The following DPP10 variants were observed in gnomAD, a reference collection of about 807,000 sequenced individuals.
The protein encoded by DPP10 is dipeptidyl peptidase like 10.
A neutral mutation model predicts 120.9 loss-of-function variants in DPP10; 33 were observed. The ratio of observed to expected loss-of-function variants is 0.27; its 90% confidence interval spans 0.21 to 0.37. The LOEUF (loss-of-function observed/expected upper bound fraction) is 0.37, where lower values mean the gene tolerates loss of function less well. Among genes scored for constraint, DPP10 ranks in the 10% least tolerant of loss-of-function variants. DPP10 has a pLI of 1.00. For synonymous variants in DPP10, 337 were observed against 326.1 expected (o/e 1.03, Z -0.36); for missense variants, 816 against 942.8 (o/e 0.87, Z 1.76).
At chr2:115,237,410 C>T (rs1422936809) in intron 1 of DPP10, among the ~76,000 whole-genome samples, 1 of 152,136 alleles carries the variant, frequency 6.6e-6, no homozygotes, top group Non-Finnish European at 1.5e-5. Flanking sequence ...CCCCATCTAT[C>T]TCCTTTTCCG....
At chr2:115,534,820 G>T (rs2078704389) in intron 5 of DPP10, among the ~76,000 whole-genome samples, 1 of 151,678 alleles carries the variant, frequency 6.6e-6, no homozygotes, top group Non-Finnish European at 1.5e-5. Flanking sequence ...AGTGTGAGAT[G>T]GTATCTCATT....
At chr2:115,619,749 A>G (rs142220276) in intron 5 of DPP10, among the ~76,000 whole-genome samples, 1 of 152,182 alleles carries the variant, frequency 6.6e-6, no homozygotes, top group Non-Finnish European at 1.5e-5. Context: ...AACACCTATT[A>G]TCATTTACTG....
chr2:115,097,043 T>C (rs1161081991), intron 1 of DPP10, among the ~76,000 whole-genome samples: 6 of 152,180 alleles, frequency 3.9e-5, no homozygotes, highest in African/African-American at 1.4e-4. Context: ...CATTACACTC[T>C]TGTGAAAATA....
chr2:114,719,052 G>T (rs1701536301), intron 1 of DPP10, among the ~76,000 whole-genome samples: 1 of 152,180 alleles, frequency 6.6e-6, no homozygotes, highest in South Asian at 2.1e-4. Context: ...GTCTGAGATT[G>T]GTTGATGTAT....
At chr2:115,514,620 CTACT>C (rs1425961052) in intron 4 of DPP10, among the ~76,000 whole-genome samples, 1 of 151,586 alleles carries the variant, frequency 6.6e-6, no homozygotes, top group African/African-American at 2.4e-5. Flanking sequence ...ATACATGTGG[CTACT>C]TAATTTTTAA....
chr2:114,685,268 AAAC>A (rs1416556389), intron 1 of DPP10, among the ~76,000 whole-genome samples: 8 of 151,930 alleles, frequency 5.3e-5, no homozygotes. Context: ...CTCATGAGAA[AAAC>A]AACAACAAAC....
At chr2:115,443,833 C>G (rs2072308338) in intron 3 of DPP10, among the ~76,000 whole-genome samples, 1 of 152,096 alleles carries the variant, frequency 6.6e-6, no homozygotes, top group African/African-American at 2.4e-5. Flanking sequence ...AACTTGAGCA[C>G]TATTGATATT....
intron 1 of DPP10, among the ~76,000 whole-genome samples, chr2:115,007,921 TAA>T (rs1368918087): frequency 6.6e-6 from 1 of 151,900 alleles, no homozygotes; most frequent in Non-Finnish European, 1.5e-5. Context: ...CTCAAGGAAA[TAA>T]AAGAGGATAC....
At chr2:115,184,651 A>G (rs1358405139) in intron 1 of DPP10, among the ~76,000 whole-genome samples, 2 of 152,238 alleles carry the variant, frequency 1.3e-5, no homozygotes, top group African/African-American at 2.4e-5. Flanking sequence ...CTTGGATATT[A>G]ATAAATGTTA....
At chr2:114,784,990 T>C (rs1269644943) in intron 1 of DPP10, among the ~76,000 whole-genome samples, 1 of 152,230 alleles carries the variant, frequency 6.6e-6, no homozygotes, top group Non-Finnish European at 1.5e-5. Context: ...ATTCTGGGTG[T>C]TGTATTTTGC....
rs527561502 is a variant in DPP10, at chr2:115,072,597, A to T, written c.61-236642A>T. ...ACTTTGCTTAAGTGTGTTAATTCAC[A>T]GACACCCACATGTGTGCCTACATAC... On this transcript the variant is annotated intron_variant, in intron 1 of 25. Transcript: ENST00000410059. Among the ~76,000 whole-genome samples the T allele has an allele frequency of 7.2e-5, 11 of 152,308 alleles. No homozygotes were observed. In the South Asian group the frequency reaches 2.3e-3, roughly 32 times the overall value.
chr2:115,186,854 T>C (rs2054476280), intron 1 of DPP10, among the ~76,000 whole-genome samples: 1 of 151,890 alleles, frequency 6.6e-6, no homozygotes, highest in Non-Finnish European at 1.5e-5. Flanking sequence ...TGGCTGACTT[T>C]ACATGCATCA....
chr2:115,069,616 T>C (rs1267026552), intron 1 of DPP10, among the ~76,000 whole-genome samples: 1 of 152,084 alleles, frequency 6.6e-6, no homozygotes, highest in East Asian at 1.9e-4. Flanking sequence ...AGGATCAGTA[T>C]GTCTTTGATT....
At chr2:115,433,498 G>A (rs1454258324) in intron 3 of DPP10, among the ~76,000 whole-genome samples, 1 of 151,896 alleles carries the variant, frequency 6.6e-6, no homozygotes, top group Admixed American at 6.6e-5. Context: ...GGCATACCTA[G>A]ACCTAAACAA....
At chr2:115,418,528 T>A (rs2069636353) in intron 3 of DPP10, among the ~76,000 whole-genome samples, 1 of 152,094 alleles carries the variant, frequency 6.6e-6, no homozygotes. Flanking sequence ...TCTAGCACTT[T>A]GGGAAGCTGA....
At chr2:114,661,739 C>T (rs994024392) in intron 1 of DPP10, among the ~76,000 whole-genome samples, 2 of 152,172 alleles carry the variant, frequency 1.3e-5, no homozygotes, top group Admixed American at 6.5e-5. Flanking sequence ...GCACTGTAGA[C>T]TCCATGGCAT....
At chr2:114,946,222 A>C (rs1697335989) in intron 1 of DPP10, among the ~76,000 whole-genome samples, 1 of 152,238 alleles carries the variant, frequency 6.6e-6, no homozygotes, top group African/African-American at 2.4e-5. Context: ...AATTGTAGCA[A>C]ATGTACCATA....
At position 114,708,260 on chromosome 2, in the gene DPP10, A is replaced by T. The variant is rs138152875; in HGVS notation, c.60+265422A>T. 1.9e-4 allele frequency among the ~76,000 whole-genome samples: 29 copies of T among 152,282 alleles called. No homozygotes were observed. The East Asian group carries it at 5.6e-3, about 29-fold the overall frequency. ...CATACTGCAGCTGAGGGACACCAAA[A>T]GCAATCCACTATGGGTTTTACACCC... On this transcript the variant is annotated intron_variant, in intron 1 of 25. Coordinates refer to ENST00000410059, the MANE Select transcript of DPP10 (RefSeq NM_020868.6).
Position 115,048,875 on chromosome 2 carries a change from T to A in DPP10, c.61-260364T>A, listed in dbSNP as rs528290981. 7.2e-5 allele frequency among the ~76,000 whole-genome samples: 11 copies of A among 152,248 alleles called. No homozygotes were observed. In the South Asian group the frequency reaches 2.3e-3, roughly 32 times the overall value. ...CATAATTTCTTTAAATTTGCATGTATAATTCATTATGTTTCTCCCTATTTT... is the reference window on the plus strand; with the variant it reads ...CATAATTTCTTTAAATTTGCATGTAAAATTCATTATGTTTCTCCCTATTTT... On this transcript the variant is annotated intron_variant, in intron 1 of 25. Coordinates refer to ENST00000410059, the MANE Select transcript of DPP10 (RefSeq NM_020868.6).
Sources: gnomAD v4.1 joint callset for allele counts (sites outside exome capture counted in the v4.1 genomes callset) on GRCh38, gnomAD v4.1.1 for gene constraint, MANE v1.5 for transcripts, NCBI Gene and HGNC (gene_info 2026-07-23, HGNC 2026-07-21) for gene names.